The following POU2AF2 variants were observed in gnomAD, a reference collection of about 807,000 sequenced individuals.
POU2AF2 encodes the protein POU domain class 2-associating factor 2.
chr11:111,259,524 C>CA, the POU2AF2 span, among the ~76,000 whole-genome samples: 1 of 152,058 alleles, frequency 6.6e-6, no homozygotes, highest in Non-Finnish European at 1.5e-5. Flanking sequence ...CCATGTTGGC[C>CA]AGACTGGTCT....
chr11:111,266,669 A>G, the POU2AF2 span, among the ~76,000 whole-genome samples: 1 of 152,310 alleles, frequency 6.6e-6, no homozygotes, highest in Admixed American at 6.5e-5. Flanking sequence ...ATTATCACTT[A>G]CCACTGGGCT....
chr11:111,276,874 T>A, the POU2AF2 span, among the ~76,000 whole-genome samples: 1 of 152,020 alleles, frequency 6.6e-6, no homozygotes, highest in Non-Finnish European at 1.5e-5. Context: ...TCAACACCAC[T>A]GACACTTAAG....
chr11:111,281,411 CCT>C, the POU2AF2 span: 1 of 1,612,934 alleles, frequency 6.2e-7, no homozygotes, highest in South Asian at 1.1e-5. Context: ...AGCGTCAGTT[CCT>C]CTCAGTCTCC....
the POU2AF2 span, among the ~76,000 whole-genome samples, chr11:111,273,931 T>G: frequency 6.6e-6 from 1 of 152,192 alleles, no homozygotes; most frequent in African/African-American, 2.4e-5. Flanking sequence ...TTGTTTGCAG[T>G]ATGCAAAATA....
At chr11:111,247,943 G>C in the POU2AF2 span, among the ~76,000 whole-genome samples, 3 of 146,534 alleles carry the variant, frequency 2.0e-5, no homozygotes, top group Non-Finnish European at 4.5e-5. Context: ...CAGTGGTGTG[G>C]CGCGATCTCC....
chr11:111,266,720 T>C, the POU2AF2 span, among the ~76,000 whole-genome samples: 1 of 152,224 alleles, frequency 6.6e-6, no homozygotes, highest in African/African-American at 2.4e-5. Context: ...TTATCTATTT[T>C]AAAATATATT....
At chr11:111,279,372 C>G in the POU2AF2 span, among the ~76,000 whole-genome samples, 1 of 152,206 alleles carries the variant, frequency 6.6e-6, no homozygotes, top group Non-Finnish European at 1.5e-5. Flanking sequence ...GGATGACTTA[C>G]AGCAACAGAA....
chr11:111,284,018 G>C, the POU2AF2 span: 1 of 1,518,742 alleles, frequency 6.6e-7, no homozygotes, highest in Non-Finnish European at 9.0e-7. Flanking sequence ...AGCTGCAACC[G>C]AGGCCTTGAC....
At chr11:111,258,737 T>G in the POU2AF2 span, among the ~76,000 whole-genome samples, 1 of 152,346 alleles carries the variant, frequency 6.6e-6, no homozygotes, top group Non-Finnish European at 1.5e-5. Flanking sequence ...ATTATTGGGT[T>G]GGAGCCAAGG....
the POU2AF2 span, among the ~76,000 whole-genome samples, chr11:111,259,890 T>C: frequency 5.9e-5 from 9 of 152,318 alleles, no homozygotes; most frequent in African/African-American, 2.2e-4. Flanking sequence ...CTTTTTGAAT[T>C]CAGATAATTA....
At chr11:111,266,290 C>T in the POU2AF2 span, among the ~76,000 whole-genome samples, 3 of 152,200 alleles carry the variant, frequency 2.0e-5, no homozygotes, top group South Asian at 2.1e-4. Context: ...GTGTTTCCCC[C>T]GCTGGGTGCA....
At chr11:111,257,413 G>T in the POU2AF2 span, among the ~76,000 whole-genome samples, 2 of 147,792 alleles carry the variant, frequency 1.4e-5, no homozygotes, top group Non-Finnish European at 3.0e-5. Flanking sequence ...AGGCTGGTGT[G>T]CAGTGGCGCA....
chr11:111,272,856 C>T, the POU2AF2 span, among the ~76,000 whole-genome samples: 1 of 152,132 alleles, frequency 6.6e-6, no homozygotes, highest in East Asian at 1.9e-4. Flanking sequence ...GCTGTGCTTT[C>T]CCACCTTGTG....
chr11:111,274,618 C>G, the POU2AF2 span, among the ~76,000 whole-genome samples: 1 of 150,998 alleles, frequency 6.6e-6, no homozygotes, highest in Non-Finnish European at 1.5e-5. Context: ...GACAGACAGA[C>G]AGGAAAGCAC....
At chr11:111,250,283 C>A in the POU2AF2 span, among the ~76,000 whole-genome samples, 1 of 152,094 alleles carries the variant, frequency 6.6e-6, no homozygotes, top group Admixed American at 6.5e-5. Context: ...CATTTCCCAT[C>A]CTCTCAGTTT....
the POU2AF2 span, among the ~76,000 whole-genome samples, chr11:111,251,047 C>G: frequency 6.6e-6 from 1 of 152,064 alleles, no homozygotes; most frequent in African/African-American, 2.4e-5. Flanking sequence ...ATTGAACTTG[C>G]GTTTTCAAAG....
At chr11:111,276,832 T>C in the POU2AF2 span, among the ~76,000 whole-genome samples, 1 of 151,810 alleles carries the variant, frequency 6.6e-6, no homozygotes, top group African/African-American at 2.4e-5. Flanking sequence ...AAATAATATT[T>C]TCAGATAAAT....
the POU2AF2 span, among the ~76,000 whole-genome samples, chr11:111,247,189 CACAGAGAGAG>C: frequency 2.0e-4 from 7 of 34,418 alleles, no homozygotes; most frequent in African/African-American, 5.3e-4. Context: ...CATACACACA[CACAGAGAGAG>C]AGAGAGAGAG....
chr11:111,253,342 T>C, the POU2AF2 span, among the ~76,000 whole-genome samples: 1 of 152,218 alleles, frequency 6.6e-6, no homozygotes, highest in East Asian at 1.9e-4. Context: ...ATTATTCTTT[T>C]CTATGTGTGC....
Sources: allele counts gnomAD v4.1 joint callset (sites outside exome capture counted in the v4.1 genomes callset), GRCh38; gene constraint gnomAD v4.1.1; transcripts MANE v1.5; gene names NCBI Gene and HGNC (gene_info 2026-07-23, HGNC 2026-07-21).